SEPTIN9: variants seen among roughly 807,000 people sequenced by gnomAD.
The protein encoded by SEPTIN9 is septin-9.
A neutral mutation model predicts 56.6 loss-of-function variants in SEPTIN9; 13 were observed. That is an observed-to-expected ratio of 0.23 (90% CI 0.15 to 0.37). SEPTIN9 has a LOEUF of 0.37. Ranked by LOEUF, SEPTIN9 falls within the 10% of genes least tolerant of loss-of-function variation. The pLI, the probability that SEPTIN9 is intolerant of heterozygous loss-of-function variation, is 1.00. For synonymous variants in SEPTIN9, 332 were observed against 334.1 expected (o/e 0.99, Z 0.07); for missense variants, 650 against 823.1 (o/e 0.79, Z 2.57).
At chr17:77,289,875 A>G (rs891354119) in intron 1 of SEPTIN9, among the ~76,000 whole-genome samples, 78 of 152,280 alleles carry the variant, frequency 5.1e-4, no homozygotes, top group African/African-American at 1.8e-3. Context: ...TGGCTGTAGC[A>G]TTTCTTCTGT....
Position 77,449,290 on chromosome 17 carries a change from C to T in SEPTIN9, c.722-32854C>T, listed in dbSNP as rs916535323. Among the ~76,000 whole-genome samples the T allele has an allele frequency of 7.2e-5, 11 of 152,066 alleles. No homozygotes were observed. The highest frequency in any genetic ancestry group is 8.8e-5 in the Non-Finnish European group (6 of 68,028). On this transcript the variant is annotated intron_variant, in intron 3 of 11. Coordinates refer to ENST00000427177, the MANE Select transcript of SEPTIN9 (RefSeq NM_001113491.2). This position sits in a 1 kb window ranked among gnomAD's most constrained non-coding sequence, Gnocchi z 4.6. ...TTGTGTGGGGGATGCAGCCCCAGGC[C>T]GGAGATGCCTTCTCTGTGCTCTGGA... is the stretch of plus-strand genomic sequence containing the variant.
intron 1 of SEPTIN9, among the ~76,000 whole-genome samples, chr17:77,295,471 A>C (rs527902724): frequency 6.6e-6 from 1 of 152,246 alleles, no homozygotes; most frequent in South Asian, 2.1e-4. Flanking sequence ...TCTGAGGCAG[A>C]GGAGGTGGAG....
intron 3 of SEPTIN9, among the ~76,000 whole-genome samples, chr17:77,452,678 G>A (rs901934172): frequency 6.6e-6 from 1 of 151,990 alleles, no homozygotes; most frequent in Non-Finnish European, 1.5e-5. Flanking sequence ...AAACCCGTTG[G>A]AAGAGGAGGA....
intron 2 of SEPTIN9, among the ~76,000 whole-genome samples, chr17:77,360,571 CT>C (rs969493382): frequency 3.6e-4 from 50 of 138,744 alleles, no homozygotes; most frequent in African/African-American, 3.3e-4. Flanking sequence ...TTTTTTGTTT[CT>C]TTTTTTTTTT....
intron 2 of SEPTIN9, among the ~76,000 whole-genome samples, chr17:77,354,105 C>T (rs1163755487): frequency 6.6e-6 from 1 of 152,286 alleles, no homozygotes; most frequent in South Asian, 2.1e-4. Context: ...GTGTACCAAG[C>T]TCTGCTTTAA....
chr17:77,493,210 G>A (rs2040111049), intron 10 of SEPTIN9, 134 bp downstream of exon 10: 1 of 709,616 alleles, frequency 1.4e-6, no homozygotes, highest in South Asian at 1.6e-5. Flanking sequence ...CAGAGGGAGG[G>A]GTCTCCTTGT....
At chr17:77,394,973 G>A (rs2035656711) in intron 2 of SEPTIN9, among the ~76,000 whole-genome samples, 1 of 152,198 alleles carries the variant, frequency 6.6e-6, no homozygotes, top group Non-Finnish European at 1.5e-5. Flanking sequence ...GCCCATCCTG[G>A]GCTGTGAGAT....
At chr17:77,283,592 C>G (rs543020062) in intron 1 of SEPTIN9, among the ~76,000 whole-genome samples, 7 of 152,156 alleles carry the variant, frequency 4.6e-5, no homozygotes, top group Non-Finnish European at 1.0e-4. Context: ...TCTGACAATC[C>G]AAGGACAACA....
intron 2 of SEPTIN9, among the ~76,000 whole-genome samples, chr17:77,315,724 G>A (rs777504674): frequency 1.8e-4 from 28 of 152,212 alleles, no homozygotes; most frequent in Non-Finnish European, 4.1e-4. Flanking sequence ...AGTGGCCTTC[G>A]CTCTTCCTTC....
intron 2 of SEPTIN9, among the ~76,000 whole-genome samples, chr17:77,308,986 G>A (rs1227967185): frequency 6.6e-6 from 1 of 152,258 alleles, no homozygotes; most frequent in Non-Finnish European, 1.5e-5. Flanking sequence ...GAGGGGCTCC[G>A]CCCATCGCAG....
intron 1 of SEPTIN9, among the ~76,000 whole-genome samples, chr17:77,292,446 G>A (rs1462930956): frequency 1.3e-5 from 2 of 151,856 alleles, no homozygotes; most frequent in Non-Finnish European, 2.9e-5. Context: ...GCATCCTGGG[G>A]TATCGTCCTG....
rs750715312 is a variant in SEPTIN9 at position 77,402,360 on chromosome 17, C to T, written c.378C>T (p.Gly126=). The change falls in exon 3 of 12, where the codon GGC becomes GGT. Residue 126 remains glycine (G), a synonymous_variant. Coordinates refer to ENST00000427177, the MANE Select transcript of SEPTIN9 (RefSeq NM_001113491.2). The surrounding 1 kb of genome is among the most constrained non-coding windows in gnomAD (Gnocchi z 6.6). ...SKQVENAGAI[G]PSRFGLKRAE... ...AGGTGGAGAACGCCGGGGCCATCGG[C>T]CCGTCCCGGTTCGGGCTCAAGAGGG... The T allele has an allele frequency of 7.4e-6, 12 of 1,612,406 alleles. No homozygotes were observed. Among genetic ancestry groups the T allele is most frequent in the Non-Finnish European group, 1.0e-5 (12 of 1,179,728 alleles).
intron 4 of SEPTIN9, chr17:77,483,871 A>G (rs577219278): frequency 1.4e-4 from 21 of 152,442 alleles, no homozygotes; most frequent in Non-Finnish European, 1.8e-4. Context: ...AGTGAGGAAC[A>G]AGACGTGGGG....
intron 2 of SEPTIN9, among the ~76,000 whole-genome samples, chr17:77,312,572 G>C (rs1289108700): frequency 1.3e-5 from 2 of 152,156 alleles, no homozygotes; most frequent in Non-Finnish European, 1.5e-5. Context: ...GTCCTCCATA[G>C]CCTCGGACCA....
chr17:77,377,696 C>T (rs1461830966), intron 2 of SEPTIN9, among the ~76,000 whole-genome samples: 2 of 152,184 alleles, frequency 1.3e-5, no homozygotes, highest in Admixed American at 6.5e-5. Context: ...GTCCCAACAC[C>T]TCCGGGACGT....
At chr17:77,342,092 GAAAGAAA>G (rs1217522813) in intron 2 of SEPTIN9, among the ~76,000 whole-genome samples, 5 of 149,740 alleles carry the variant, frequency 3.3e-5, no homozygotes, top group East Asian at 3.9e-4. Context: ...AAAAAACAAA[GAAAGAAA>G]AAAGAAAAAA....
intron 3 of SEPTIN9, 23 bp from the exon 4 acceptor site, chr17:77,482,121 C>T: frequency 6.5e-7 from 1 of 1,545,648 alleles, no homozygotes; most frequent in Non-Finnish European, 8.7e-7. Flanking sequence ...TCCGCTCTAA[C>T]TCCTCTGCTG....
At chr17:77,298,416 T>A (rs1205184647) in intron 1 of SEPTIN9, among the ~76,000 whole-genome samples, 1 of 152,136 alleles carries the variant, frequency 6.6e-6, no homozygotes, top group Admixed American at 6.5e-5. Context: ...AGCAGAAACC[T>A]CTAAGGGGAC....
chr17:77,398,108 G>A (rs1056034961), intron 2 of SEPTIN9, among the ~76,000 whole-genome samples: 3 of 152,106 alleles, frequency 2.0e-5, no homozygotes, highest in African/African-American at 7.2e-5. Flanking sequence ...CGAGTAGCTG[G>A]GATTACAGGC....
Sources: allele counts gnomAD v4.1 joint callset (sites outside exome capture counted in the v4.1 genomes callset), GRCh38; gene constraint gnomAD v4.1.1; non-coding constraint Gnocchi (gnomAD v3.1); transcripts MANE v1.5; gene names NCBI Gene and HGNC (gene_info 2026-07-23, HGNC 2026-07-21).